The following PGM1 variants were observed in gnomAD, a reference collection of about 807,000 sequenced individuals.
The protein encoded by PGM1 is phosphoglucomutase 1.
PGM1 carries 52 observed loss-of-function variants against 55.6 expected under a neutral mutation model. The observed-to-expected ratio is 0.94, with a 90% CI of 0.75 to 1.18. The LOEUF (loss-of-function observed/expected upper bound fraction) is 1.18, where lower values mean the gene tolerates loss of function less well. Ranked by LOEUF, PGM1 falls within the 50% of genes most tolerant of loss-of-function variation. The probability of loss-of-function intolerance (pLI) is 0.00; values close to 1 mark genes in which losing one functional copy is unlikely to be tolerated. For missense variants in PGM1, 724 were observed against 729.3 expected, an observed-to-expected ratio of 0.99 and a Z score of 0.08; for synonymous variants, 287 against 271.7, an observed-to-expected ratio of 1.06 and a Z score of -0.55.
At chr1:63,653,320 C>T (rs1649871230) in intron 9 of PGM1, among the ~76,000 whole-genome samples, 1 of 152,090 alleles carries the variant, frequency 6.6e-6, no homozygotes, top group Non-Finnish European at 1.5e-5. Context: ...GGAGACCAAC[C>T]CTGGTGTGTT....
intron 1 of PGM1, among the ~76,000 whole-genome samples, chr1:63,605,743 T>C (rs11582264): frequency 0.13 from 19,475 of 151,900 alleles, 1,360 homozygotes; most frequent in African/African-American, 0.16. Context: ...GGCTAATTTT[T>C]TGTATTTTTG....
At chr1:63,619,047 A>G (rs563913161) in intron 1 of PGM1, among the ~76,000 whole-genome samples, 2 of 152,224 alleles carry the variant, frequency 1.3e-5, no homozygotes, top group Non-Finnish European at 2.9e-5. Context: ...TCATGCCTCA[A>G]CTGTTCTTGC....
chr1:63,655,401 G>A (rs1649935005), intron 10 of PGM1, among the ~76,000 whole-genome samples: 1 of 152,204 alleles, frequency 6.6e-6, no homozygotes, highest in Non-Finnish European at 1.5e-5. Context: ...CTTAGATTTG[G>A]TGGGGGCAGG....
rs1411510475 is a variant in PGM1, at chr1:63,659,608, C to T, written c.1622C>T (p.Ser541Phe). The change falls in exon 11 of 11, where the codon TCC (serine) becomes TTC (phenylalanine). Residue 541 changes from serine to phenylalanine, a missense_variant. This residue lies in a region of PGM1 where 316 missense variants were observed against 313.1 expected (regional missense o/e 1.01). Coordinates refer to ENST00000371084, the MANE Select transcript of PGM1 (RefSeq NM_002633.3). ...DPQVMLAPLI[S>F]IALKVSQLQE... ...CAGGTCATGTTGGCCCCCCTTATTT[C>T]CATTGCTCTGAAAGTGTCCCAGCTG... 2 of 1,613,892 alleles carry T rather than the reference C, an allele frequency of 1.2e-6. No homozygotes were observed. The highest frequency in any genetic ancestry group is 2.2e-5 in the South Asian group (2 of 91,066).
chr1:63,633,943 T>TATTTATTTA, intron 4 of PGM1, among the ~76,000 whole-genome samples: 1 of 123,364 alleles, frequency 8.1e-6, no homozygotes, highest in African/African-American at 3.4e-5. Flanking sequence ...TTTTTTTTTT[T>TATTTATTTA]TTTTTTTTTT....
At chr1:63,596,576 C>A (rs1039435301) in intron 1 of PGM1, among the ~76,000 whole-genome samples, 12 of 152,058 alleles carry the variant, frequency 7.9e-5, no homozygotes, top group African/African-American at 2.9e-4. Context: ...GGTTTCTACG[C>A]TCAGGTTGTT....
intron 2 of PGM1, 33 bp from the exon 3 acceptor site, chr1:63,629,909 G>T (rs374517645): frequency 1.9e-6 from 3 of 1,613,364 alleles, no homozygotes; most frequent in Non-Finnish European, 2.5e-6. Flanking sequence ...TGAGCTGCAC[G>T]AAGTAACCCA....
chr1:63,597,186 G>T (rs893426544), intron 1 of PGM1, among the ~76,000 whole-genome samples: 11 of 140,532 alleles, frequency 7.8e-5, no homozygotes, highest in African/African-American at 3.6e-4. Flanking sequence ...AGGGAGGGAG[G>T]CTCCATAGAG....
intron 8 of PGM1, 177 bp from the exon 9 acceptor site, chr1:63,651,492 C>T (rs563845120): frequency 3.3e-6 from 2 of 611,840 alleles, no homozygotes; most frequent in Non-Finnish European, 5.9e-6. Context: ...CCCTTCCTTT[C>T]ATCCCTGGCC....
At chr1:63,628,759 C>T (rs547386199) in intron 1 of PGM1, among the ~76,000 whole-genome samples, 10 of 152,198 alleles carry the variant, frequency 6.6e-5, no homozygotes, top group East Asian at 1.9e-4. Context: ...TCCCATCTGT[C>T]GCCCTTTCAT....
At chr1:63,593,948 C>A (rs1647955818) in intron 1 of PGM1, 1 of 1,211,824 alleles carries the variant, frequency 8.3e-7, no homozygotes, top group Admixed American at 4.6e-5. Flanking sequence ...ACCCGGCAGA[C>A]CTGCTCGCCT....
chr1:63,617,377 C>T (rs975304181), intron 1 of PGM1, among the ~76,000 whole-genome samples: 1 of 152,124 alleles, frequency 6.6e-6, no homozygotes, highest in African/African-American at 2.4e-5. Flanking sequence ...AGGCCTGACA[C>T]ACAAGGACTG....
intron 3 of PGM1, 114 bp from the exon 4 acceptor site, chr1:63,631,543 T>TA: frequency 1.0e-6 from 1 of 958,436 alleles, no homozygotes. Flanking sequence ...AGCTGTTCAA[T>TA]AATTGTCCTT....
At chr1:63,626,805 A>G (rs1649029779) in intron 1 of PGM1, among the ~76,000 whole-genome samples, 1 of 152,122 alleles carries the variant, frequency 6.6e-6, no homozygotes, top group African/African-American at 2.4e-5. Context: ...ATTGTTGTGC[A>G]GCATATCTCT....
Position 63,631,669 on chromosome 1 carries a change from A to G in PGM1, c.569A>G (p.Asp190Gly), listed in dbSNP as rs1649198091. The change falls in exon 4 of 11, where the codon GAT becomes GGT. Residue 190 changes from aspartate to glycine, a missense_variant. This residue lies in a region of PGM1 where 379 missense variants were observed against 357.5 expected (regional missense o/e 1.06). Coordinates refer to ENST00000371084, the MANE Select transcript of PGM1 (RefSeq NM_002633.3). ...KFKPFTVEIV[D>G]SVEAYATMLR... is the part of the protein sequence containing the mutation. The stretch of plus-strand genomic sequence containing the variant: ...CTTGTTCTCACAGTGGAAATTGTGG[A>G]TTCGGTAGAAGCTTATGCTACAATG... The G allele has an allele frequency of 6.2e-7, 1 of 1,613,546 alleles. No homozygotes were observed. Among genetic ancestry groups the G allele is most frequent in the Non-Finnish European group, 8.5e-7 (1 of 1,179,478 alleles).
intron 6 of PGM1, 128 bp downstream of exon 6, chr1:63,636,516 C>A: frequency 3.9e-6 from 4 of 1,017,526 alleles, no homozygotes; most frequent in Non-Finnish European, 4.6e-6. Context: ...GTGTGCTGAG[C>A]GATTCTTGTG....
chr1:63,612,448 G>C, intron 1 of PGM1, among the ~76,000 whole-genome samples: 1 of 152,104 alleles, frequency 6.6e-6, no homozygotes, highest in East Asian at 1.9e-4. Flanking sequence ...TACATTTATA[G>C]ACGCAAAAAA....
chr1:63,599,389 C>T (rs1648169244), intron 1 of PGM1, among the ~76,000 whole-genome samples: 1 of 151,992 alleles, frequency 6.6e-6, no homozygotes, highest in South Asian at 2.1e-4. Context: ...TGGTCTGGAT[C>T]TCTTGACCTC....
At position 63,654,437 on chromosome 1, in the gene PGM1, G is replaced by A. The variant is rs752320512; in HGVS notation, c.1570G>A (p.Asp524Asn). The A allele has an allele frequency of 6.2e-7, 1 of 1,614,094 alleles. No individual in the cohort carries two copies. The highest frequency in any genetic ancestry group is 8.5e-7 in the Non-Finnish European group (1 of 1,179,956). ...IRLYIDSYEK[D>N]VAKINQDPQV... ...GCTGTACATCGATAGCTATGAGAAG[G>A]ACGTTGCCAAGATTAACCAGGACCC... is the stretch of plus-strand genomic sequence containing the variant. Residue 524 changes from aspartate (D) to asparagine (N), a missense_variant, in exon 10 of 11, where the codon GAC (aspartate) becomes AAC (asparagine). This residue lies in a region of PGM1 where 316 missense variants were observed against 313.1 expected (regional missense o/e 1.01). Transcript: ENST00000371084.
Sources: gnomAD v4.1 joint callset for allele counts (sites outside exome capture counted in the v4.1 genomes callset) on GRCh38, gnomAD v4.1.1 for gene constraint, gnomAD v4.1.1 regional missense constraint, MANE v1.5 for transcripts, NCBI Gene and HGNC (gene_info 2026-07-23, HGNC 2026-07-21) for gene names.